The following C12orf42 variants were observed in gnomAD, a reference collection of about 807,000 sequenced individuals.
The protein encoded by C12orf42 is uncharacterized protein C12orf42.
A neutral mutation model predicts 21.6 loss-of-function variants in C12orf42; 25 were observed. The observed-to-expected ratio is 1.16, with a 90% CI of 0.84 to 1.62. The LOEUF is 1.62. C12orf42 is among the 40% of genes most tolerant of loss of function. C12orf42 has a pLI of 0.00. For missense variants in C12orf42, 483 were observed against 459.3 expected, an observed-to-expected ratio of 1.05 and a Z score of -0.47; for synonymous variants, 174 against 175.0, an observed-to-expected ratio of 0.99 and a Z score of 0.05.
At chr12:103,259,710 G>A (rs1247583228) in intron 10 of C12orf42, among the ~76,000 whole-genome samples, 1 of 152,188 alleles carries the variant, frequency 6.6e-6, no homozygotes, top group Admixed American at 6.5e-5. Context: ...CCTTTTGTCA[G>A]TGGTTCATTG....
the C12orf42 span, among the ~76,000 whole-genome samples, chr12:103,526,484 T>C: frequency 3.3e-5 from 5 of 152,232 alleles, no homozygotes; most frequent in African/African-American, 1.2e-4. Flanking sequence ...TATTTCATTG[T>C]ATCCCCAGGA....
intron 2 of C12orf42, among the ~76,000 whole-genome samples, chr12:103,450,199 T>C (rs1951851094): frequency 6.6e-6 from 1 of 152,110 alleles, no homozygotes; most frequent in Non-Finnish European, 1.5e-5. Flanking sequence ...CTTGCATCCC[T>C]AAGATAAACT....
the C12orf42 span, among the ~76,000 whole-genome samples, chr12:103,540,911 CT>C: frequency 4.0e-5 from 6 of 150,378 alleles, no homozygotes; most frequent in Admixed American, 1.3e-4. Flanking sequence ...TTCTTTCTTT[CT>C]TTTTTTTTAA....
intron 10 of C12orf42, among the ~76,000 whole-genome samples, chr12:103,260,750 T>C (rs1367674120): frequency 6.6e-6 from 1 of 152,184 alleles, no homozygotes; most frequent in African/African-American, 2.4e-5. Context: ...TGCAAATGCA[T>C]ATCTGTTTTT....
chr12:103,171,232 C>T, the C12orf42 span, among the ~76,000 whole-genome samples: 1 of 152,116 alleles, frequency 6.6e-6, no homozygotes, highest in Non-Finnish European at 1.5e-5. Context: ...TTCATTATAT[C>T]ACTTATCAAT....
At chr12:103,441,095 T>C (rs974250952) in intron 2 of C12orf42, among the ~76,000 whole-genome samples, 2 of 152,198 alleles carry the variant, frequency 1.3e-5, no homozygotes, top group African/African-American at 4.8e-5. Context: ...GCACCAACTT[T>C]ACTCTGTCAA....
chr12:103,089,131 ACTC>A, the C12orf42 span, among the ~76,000 whole-genome samples: 1 of 147,836 alleles, frequency 6.8e-6, no homozygotes, highest in Non-Finnish European at 1.5e-5. Flanking sequence ...AAAAGAATCA[ACTC>A]GGCAACCCCT....
intron 10 of C12orf42, among the ~76,000 whole-genome samples, chr12:103,253,793 G>A (rs1366225287): frequency 6.6e-6 from 1 of 151,270 alleles, no homozygotes; most frequent in African/African-American, 2.4e-5. Flanking sequence ...AACTCCTTAA[G>A]GTGATAAACA....
In C12orf42 at chr12:103,309,520, T is replaced by C. The variant is rs372776156; in HGVS notation, c.260-3175A>G. On this transcript the variant is annotated intron_variant, in intron 4 of 5. Transcript: ENST00000548883. Reference sequence around the variant, plus strand: ...TACTAGTAGCTAAATTTTGGGGGAGTCAAAAATTATATGCAGATTTTCAAC... The same window carrying C: ...TACTAGTAGCTAAATTTTGGGGGAGCCAAAAATTATATGCAGATTTTCAAC... 2.4e-4 allele frequency among the ~76,000 whole-genome samples: 36 copies of C among 151,570 alleles called. No homozygotes were observed. The South Asian group carries it at 7.3e-3, about 31-fold the overall frequency.
At chr12:103,439,081 CAG>C (rs985592677) in intron 2 of C12orf42, among the ~76,000 whole-genome samples, 2 of 152,014 alleles carry the variant, frequency 1.3e-5, no homozygotes, top group African/African-American at 4.8e-5. Flanking sequence ...TGGAACAGAA[CAG>C]AGCCCTCAGA....
At chr12:103,345,450 C>G (rs1393028795) in intron 4 of C12orf42, among the ~76,000 whole-genome samples, 5 of 152,112 alleles carry the variant, frequency 3.3e-5, no homozygotes, top group African/African-American at 1.2e-4. Context: ...TATCATTATT[C>G]CAGTGCCATC....
the C12orf42 span, among the ~76,000 whole-genome samples, chr12:103,222,150 G>A: frequency 3.2e-4 from 48 of 152,152 alleles, no homozygotes; most frequent in Admixed American, 4.6e-4. Context: ...CACCAAACAC[G>A]CTTTGTGTGA....
the C12orf42 span, among the ~76,000 whole-genome samples, chr12:103,090,691 G>A: frequency 6.6e-6 from 1 of 152,012 alleles, no homozygotes; most frequent in Non-Finnish European, 1.5e-5. Context: ...GGAGGTTAAG[G>A]CATTTTTTTT....
chr12:103,542,156 A>T, the C12orf42 span, among the ~76,000 whole-genome samples: 1 of 152,356 alleles, frequency 6.6e-6, no homozygotes, highest in East Asian at 1.9e-4. Context: ...TAGCAGTCAA[A>T]GAAAAAGTTT....
chr12:103,134,225 A>T, the C12orf42 span, among the ~76,000 whole-genome samples: 827 of 152,336 alleles, frequency 5.4e-3, 5 homozygotes, highest in Middle Eastern at 0.014. Context: ...TGACACTTCC[A>T]TAGGAATACA....
At chr12:103,148,261 A>G in the C12orf42 span, among the ~76,000 whole-genome samples, 3 of 152,194 alleles carry the variant, frequency 2.0e-5, no homozygotes, top group South Asian at 2.1e-4. Flanking sequence ...TTACTAATTA[A>G]TAAAGATCAC....
At chr12:103,266,541 C>T (rs1029318442), downstream of C12orf42, among the ~76,000 whole-genome samples, 2 of 151,972 alleles carry the variant, frequency 1.3e-5, no homozygotes, top group South Asian at 2.1e-4. Context: ...TAGAAAAAAG[C>T]AAAGAAAAGG....
chr12:103,443,890 C>A (rs1026621613), intron 2 of C12orf42, among the ~76,000 whole-genome samples: 3 of 152,026 alleles, frequency 2.0e-5, no homozygotes, highest in East Asian at 3.9e-4. Flanking sequence ...ACTAAGTCCT[C>A]GAAACGTAAA....
chr12:103,394,210 G>C (rs1339959480), intron 3 of C12orf42, among the ~76,000 whole-genome samples: 1 of 152,196 alleles, frequency 6.6e-6, no homozygotes, highest in African/African-American at 2.4e-5. Context: ...TCAGAGAGGA[G>C]ATTGAGAATG....
Sources: gnomAD v4.1 joint callset for allele counts (sites outside exome capture counted in the v4.1 genomes callset) on GRCh38, gnomAD v4.1.1 for gene constraint, MANE v1.5 for transcripts, NCBI Gene and HGNC (gene_info 2026-07-23, HGNC 2026-07-21) for gene names.